Variants in C5orf46 observed in about 807,000 individuals in gnomAD.
C5orf46 encodes uncharacterized protein C5orf46.
In C5orf46, 9 loss-of-function variants were observed where a neutral mutation model predicts 8.9. The ratio of observed to expected loss-of-function variants is 1.01; its 90% confidence interval spans 0.61 to 1.76. C5orf46 has a LOEUF of 1.76. C5orf46 is among the 40% of genes most tolerant of loss of function. The pLI is 0.00. For synonymous variants in C5orf46, 47 were observed against 41.4 expected, an observed-to-expected ratio of 1.14 and a Z score of -0.52; for missense variants, 98 against 107.8, an observed-to-expected ratio of 0.91 and a Z score of 0.40.
downstream of C5orf46, among the ~76,000 whole-genome samples, chr5:147,888,217 A>C (rs1006379030): frequency 2.6e-5 from 4 of 152,074 alleles, no homozygotes; most frequent in Non-Finnish European, 5.9e-5. Flanking sequence ...ATCCTTCCAC[A>C]TGGTTCTGTC....
chr5:147,890,957 T>C (rs549278870), downstream of C5orf46, among the ~76,000 whole-genome samples: 1 of 152,310 alleles, frequency 6.6e-6, no homozygotes, highest in African/African-American at 2.4e-5. Context: ...TACTCAGCAT[T>C]TCTGTAAAAA....
chr5:147,903,304 C>G (rs780904638), intron 1 of C5orf46, among the ~76,000 whole-genome samples: 1 of 152,160 alleles, frequency 6.6e-6, no homozygotes, highest in Non-Finnish European at 1.5e-5. Flanking sequence ...ACAACAAATG[C>G]TTTTCTGGTA....
Position 147,906,456 on chromosome 5 carries a change from C to G in C5orf46, c.46G>C (p.Val16Leu). 1.2e-6 allele frequency: 2 copies of G among 1,611,444 alleles called. No homozygotes were observed. The highest frequency in any genetic ancestry group is 1.7e-6 in the Non-Finnish European group (2 of 1,178,494). Residue 16 changes from valine to leucine, a missense_variant, in exon 1 of 4, where the codon GTC becomes CTC. By Grantham distance (32) the Val-to-Leu change is conservative. Coordinates refer to ENST00000318315, the MANE Select transcript of C5orf46 (RefSeq NM_206966.3). ...CCTGCATAGCAGGTCAGGAATAAGA[C>G]AAGCAGTCCCAGGACAACTGTCAGG... ...LRLTVVLGLL[V>L]LFLTCYADDK...
chr5:147,894,740 C>T (rs1472543728), intron 3 of C5orf46, among the ~76,000 whole-genome samples: 4 of 145,822 alleles, frequency 2.7e-5, no homozygotes, highest in South Asian at 2.2e-4. Flanking sequence ...ATTAAAGAAG[C>T]ATTAAAGAAA....
chr5:147,902,923 G>A (rs1757694045), intron 1 of C5orf46, among the ~76,000 whole-genome samples: 1 of 152,150 alleles, frequency 6.6e-6, no homozygotes, highest in Non-Finnish European at 1.5e-5. Flanking sequence ...TCACTGAACT[G>A]AAAAGTGAAA....
At chr5:147,889,881 C>T (rs1290286281), downstream of C5orf46, among the ~76,000 whole-genome samples, 1 of 152,086 alleles carries the variant, frequency 6.6e-6, no homozygotes, top group Non-Finnish European at 1.5e-5. Flanking sequence ...TGGAAGGTAT[C>T]CTAATGAAAT....
chr5:147,889,636 C>A (rs541175140), downstream of C5orf46, among the ~76,000 whole-genome samples: 1 of 152,130 alleles, frequency 6.6e-6, no homozygotes, highest in South Asian at 2.1e-4. Context: ...CACATGTATC[C>A]CAGAACATAA....
intron 1 of C5orf46, among the ~76,000 whole-genome samples, chr5:147,903,423 C>G (rs1757702089): frequency 6.6e-6 from 1 of 152,138 alleles, no homozygotes; most frequent in Non-Finnish European, 1.5e-5. Flanking sequence ...ATCTAGCAAC[C>G]TCAGCACAAG....
intron 1 of C5orf46, 111 bp from the exon 2 acceptor site, chr5:147,901,884 C>T (rs905613003): frequency 1.8e-6 from 2 of 1,111,942 alleles, no homozygotes; most frequent in Non-Finnish European, 1.3e-6. Flanking sequence ...ATTTCATAGC[C>T]TTATATGGTT....
intron 3 of C5orf46, 104 bp from the exon 4 acceptor site, chr5:147,893,043 G>A (rs1757525684): frequency 6.6e-6 from 1 of 152,160 alleles, no homozygotes; most frequent in South Asian, 2.1e-4. Flanking sequence ...AAATTTTTAT[G>A]CTTCTGCACT....
chr5:147,897,420 G>A (rs1453153309), intron 2 of C5orf46, among the ~76,000 whole-genome samples: 2 of 152,158 alleles, frequency 1.3e-5, no homozygotes, highest in Non-Finnish European at 2.9e-5. Flanking sequence ...GAAAACCTTT[G>A]AAGCTTAAAG....
chr5:147,904,828 T>G (rs1237487722), intron 1 of C5orf46, among the ~76,000 whole-genome samples: 1 of 148,538 alleles, frequency 6.7e-6, no homozygotes, highest in East Asian at 1.9e-4. Context: ...ATATTATATA[T>G]CTATATATAT....
chr5:147,901,147 A>T (rs1224697791), intron 2 of C5orf46, among the ~76,000 whole-genome samples: 1 of 152,188 alleles, frequency 6.6e-6, no homozygotes, highest in African/African-American at 2.4e-5. Context: ...CCTCACACCC[A>T]TCACTAACGA....
In C5orf46 at chr5:147,905,323, A is replaced by G. The variant is rs117385182; in HGVS notation, c.70+1109T>C. ...GTGAAGTTGATAGTTATCCCGTTTT[A>G]CAGATAAAGAAACTGAGGTTCAAAG... On this transcript the variant is annotated intron_variant, in intron 1 of 3. Transcript: ENST00000318315. Among the ~76,000 whole-genome samples, 84 of 152,340 alleles carry G rather than the reference A, an allele frequency of 5.5e-4. 1 individual carries two copies. In the East Asian group the frequency reaches 0.016, roughly 29 times the overall value.
chr5:147,889,543 T>A (rs781621718), downstream of C5orf46, among the ~76,000 whole-genome samples: 2 of 152,128 alleles, frequency 1.3e-5, no homozygotes, highest in Non-Finnish European at 2.9e-5. Flanking sequence ...AAAAAGTAAT[T>A]CCTCTCACCT....
downstream of C5orf46, among the ~76,000 whole-genome samples, chr5:147,889,469 A>T (rs1211049846): frequency 1.3e-5 from 2 of 152,158 alleles, no homozygotes; most frequent in Non-Finnish European, 2.9e-5. Flanking sequence ...ATGGTAACAT[A>T]TGCCACTTTA....
chr5:147,896,628 T>A (rs145565867), intron 3 of C5orf46, among the ~76,000 whole-genome samples: 1 of 152,264 alleles, frequency 6.6e-6, no homozygotes, highest in African/African-American at 2.4e-5. Context: ...ACTCTTCTTA[T>A]GAGTAACTAA....
intron 1 of C5orf46, 107 bp downstream of exon 1, chr5:147,906,325 T>G: frequency 1.8e-6 from 1 of 561,878 alleles, no homozygotes. Flanking sequence ...CTTTCTGGAG[T>G]GCCCAAAGAC....
At position 147,897,039 on chromosome 5, in the gene C5orf46, C is replaced by A. The variant is rs760614388; in HGVS notation, c.218G>T (p.Gly73Val). ...TTCATTATCATCAAATTCCATAAAT[C>A]CTCTTGAGAAAAAAAGAGAAAATAA... ...FILRSMSRSTGFMEFDDNEGK... is the reference protein window; with the variant it reads ...FILRSMSRSTVFMEFDDNEGK... The change falls in exon 3 of 4, where the codon GGA becomes GTA. Residue 73 changes from glycine to valine, a missense_variant and splice_region_variant. Physicochemically the swap from Gly to Val is moderately radical, Grantham distance 109 (BLOSUM62 -3). Coordinates refer to ENST00000318315, the MANE Select transcript of C5orf46 (RefSeq NM_206966.3). The A allele has an allele frequency of 1.4e-6, 2 of 1,457,328 alleles. No individual in the cohort carries two copies. Among genetic ancestry groups the A allele is most frequent in the Non-Finnish European group, 1.9e-6 (2 of 1,058,902 alleles). The allele number at this position is 1,457,328 out of a possible 1,614,324, so 90.3% of individuals were successfully genotyped here. A position where few individuals can be genotyped will look rare whatever the true frequency, so the allele number is the denominator to read the frequency against.
Sources: allele counts gnomAD v4.1 joint callset (sites outside exome capture counted in the v4.1 genomes callset), GRCh38; gene constraint gnomAD v4.1.1; transcripts MANE v1.5; gene names NCBI Gene and HGNC (gene_info 2026-07-23, HGNC 2026-07-21).